RFX7: variants seen among roughly 807,000 people sequenced by gnomAD.
RFX7 encodes the protein regulatory factor X7, also known as DNA-binding protein RFX7.
Under a neutral mutation model 111.8 loss-of-function variants are expected in RFX7, and 26 were observed. The observed-to-expected ratio is 0.23, with a 90% CI of 0.17 to 0.32. The LOEUF (loss-of-function observed/expected upper bound fraction) is 0.32, where lower values mean the gene tolerates loss of function less well. Ranked by LOEUF, RFX7 falls within the 10% of genes least tolerant of loss-of-function variation. The pLI is 1.00. For synonymous variants in RFX7, 624 were observed against 624.4 expected (o/e 1.00, Z 0.01); for missense variants, 1,573 against 1,772.9 (o/e 0.89, Z 2.02).
intron 2 of RFX7, among the ~76,000 whole-genome samples, chr15:56,239,204 C>A (rs2043659121): frequency 6.6e-6 from 1 of 152,084 alleles, no homozygotes; most frequent in African/African-American, 2.4e-5. Context: ...GGATGTAACC[C>A]AAGTCTAAAC....
At chr15:56,174,893 T>C (rs1435436827) in intron 3 of RFX7, among the ~76,000 whole-genome samples, 2 of 152,178 alleles carry the variant, frequency 1.3e-5, no homozygotes, top group South Asian at 2.1e-4. Flanking sequence ...AATGAATCAC[T>C]GTTTTTTCCT....
At chr15:56,126,469 C>T (rs974622430) in intron 5 of RFX7, among the ~76,000 whole-genome samples, 20 of 152,152 alleles carry the variant, frequency 1.3e-4, no homozygotes, top group Admixed American at 5.9e-4. Context: ...GGTGGATTCC[C>T]TGAAGGACCC....
intron 2 of RFX7, among the ~76,000 whole-genome samples, chr15:56,224,498 G>A (rs1223243079): frequency 2.1e-5 from 2 of 97,108 alleles, no homozygotes; most frequent in Non-Finnish European, 4.2e-5. Flanking sequence ...TGTGTGTGCA[G>A]TTCTCTGTGT....
rs144450138 is a variant in RFX7, at chr15:56,180,434, G to C, written c.162-1131C>G. Among the ~76,000 whole-genome samples the C allele has an allele frequency of 3.0e-3, 463 of 152,202 alleles. 2 individuals are homozygous for C. Among genetic ancestry groups the C allele is most frequent in the African/African-American group, 0.011 (443 of 41,552 alleles). ...CCCACAGTCCTACAAAAGATTTTTA[G>C]GTTTTAAAATCTCTTTGTATAGCTT... On this transcript the variant is annotated intron_variant, in intron 2 of 9. Coordinates refer to ENST00000559447, the MANE Select transcript of RFX7 (RefSeq NM_022841.7).
rs184301483 is a variant in RFX7 at position 56,103,642 on chromosome 15, G to C, written c.430C>G (p.Pro144Ala). 3.1e-6 allele frequency: 5 copies of C among 1,598,954 alleles called. No individual in the cohort carries two copies. In the Admixed American group the frequency reaches 5.2e-5, roughly 17 times the overall value. Reference sequence around the variant, plus strand: ...TTTCCAAAATCAGCAGCACTTAATGGATGGTAACCAAGATTGTCACAATAG... The same window carrying C: ...TTTCCAAAATCAGCAGCACTTAATGCATGGTAACCAAGATTGTCACAATAG... ...KSYCDNLGYH[P>A]LSAADFGKIM... The change falls in exon 6 of 10, where the codon CCA becomes GCA. Residue 144 changes from proline (P) to alanine (A), a missense_variant. Pro to Ala is a conservative substitution (Grantham distance 27). Around this residue, in one of 7 missense-constraint regions of RFX7, gnomAD observed 191 missense variants for 194.2 expected, o/e 0.98. Transcript: ENST00000559447.
chr15:56,201,812 C>T (rs1006889691), intron 2 of RFX7, among the ~76,000 whole-genome samples: 1 of 152,110 alleles, frequency 6.6e-6, no homozygotes, highest in African/African-American at 2.4e-5. Flanking sequence ...GGGCAGATCA[C>T]GAGGTCAGGA....
At chr15:56,183,828 CATTTTTTTA>C (rs1320431761) in intron 2 of RFX7, among the ~76,000 whole-genome samples, 10 of 131,454 alleles carry the variant, frequency 7.6e-5, no homozygotes, top group African/African-American at 2.5e-4. Flanking sequence ...TGATAATTTG[CATTTTTTTA>C]ATCTGTCCTT....
At chr15:56,122,683 C>G (rs1358432441) in intron 5 of RFX7, among the ~76,000 whole-genome samples, 1 of 152,144 alleles carries the variant, frequency 6.6e-6, no homozygotes, top group African/African-American at 2.4e-5. Context: ...GATTTGGATC[C>G]AGAAACCTTA....
At chr15:56,230,508 C>G (rs759476111) in intron 2 of RFX7, among the ~76,000 whole-genome samples, 4 of 152,014 alleles carry the variant, frequency 2.6e-5, no homozygotes, top group Non-Finnish European at 4.4e-5. Flanking sequence ...ATTATGTTAT[C>G]AAATACAGAA....
At chr15:56,154,497 C>T (rs2042621721) in intron 3 of RFX7, among the ~76,000 whole-genome samples, 2 of 152,200 alleles carry the variant, frequency 1.3e-5, no homozygotes, top group Non-Finnish European at 2.9e-5. Flanking sequence ...ACTATCTGAT[C>T]TTTGACAAAC....
intron 5 of RFX7, among the ~76,000 whole-genome samples, chr15:56,112,894 T>C (rs1235144230): frequency 6.6e-6 from 1 of 152,062 alleles, no homozygotes; most frequent in African/African-American, 2.4e-5. Flanking sequence ...AACAAAAATA[T>C]GAAAAAAATC....
At chr15:56,128,091 T>G (rs925391818) in intron 5 of RFX7, among the ~76,000 whole-genome samples, 1 of 152,124 alleles carries the variant, frequency 6.6e-6, no homozygotes, top group Non-Finnish European at 1.5e-5. Context: ...AGGAAATAGA[T>G]AACCTGACCA....
chr15:56,208,076 G>C (rs1280511709), intron 2 of RFX7, among the ~76,000 whole-genome samples: 1 of 152,188 alleles, frequency 6.6e-6, no homozygotes, highest in Non-Finnish European at 1.5e-5. Context: ...CCAAGAGCTT[G>C]ACCAGGTTTT....
chr15:56,092,271 ATGTTTTTTGT>A lies in RFX7; in HGVS notation c.*1064_*1073del, dbSNP rs1405170097. On this transcript the variant is annotated 3_prime_UTR_variant, in exon 10 of 10. Transcript: ENST00000559447. ...GTGGCTTCAGACCTTAGGTGGTGAA[ATGTTTTTTGT>A]TGTTTTTTATGTTATCCTCCTTCCT... 1 of 152,502 alleles carries A rather than the reference ATGTTTTTTGT, an allele frequency of 6.6e-6. No homozygotes were observed. The highest frequency in any genetic ancestry group is 1.5e-5 in the Non-Finnish European group (1 of 67,968). 9.4% of individuals were successfully genotyped at this position (152,502 alleles called of 1,614,324 possible).
At chr15:56,150,035 G>A (rs1440532983) in intron 3 of RFX7, among the ~76,000 whole-genome samples, 5 of 151,380 alleles carry the variant, frequency 3.3e-5, no homozygotes, top group Admixed American at 3.3e-4. Context: ...GGGGGGTTGC[G>A]GGGTGGGGCG....
At chr15:56,137,981 A>C (rs1318108588) in intron 5 of RFX7, among the ~76,000 whole-genome samples, 2 of 151,630 alleles carry the variant, frequency 1.3e-5, no homozygotes, top group African/African-American at 2.4e-5. Context: ...TCTGAGAGAC[A>C]GTTTGTTATA....
rs1387593619 is a variant in RFX7, at chr15:56,178,205, ACACAC to A, written c.195+1060_195+1064del. On this transcript the variant is annotated intron_variant, in intron 3 of 9. Coordinates refer to ENST00000559447, the MANE Select transcript of RFX7 (RefSeq NM_022841.7). ...CACACACACACACACACACACACAC[ACACAC>A]AACAAAAAGAAGAGTAAATGAAAGG... Among the ~76,000 whole-genome samples, 58 of 144,564 alleles carry A rather than the reference ACACAC, an allele frequency of 4.0e-4. No homozygotes were observed. In the South Asian group the frequency reaches 0.013, roughly 33 times the overall value. 94.8% of individuals were successfully genotyped at this position (144,564 alleles called of 152,430 possible).
chr15:56,119,946 T>C (rs1179021796), intron 5 of RFX7, among the ~76,000 whole-genome samples: 3 of 152,144 alleles, frequency 2.0e-5, no homozygotes, highest in Non-Finnish European at 2.9e-5. Flanking sequence ...ATGTGATTAG[T>C]CCAGTTTTGT....
chr15:56,200,880 T>C (rs1402718509), intron 2 of RFX7, among the ~76,000 whole-genome samples: 1 of 152,008 alleles, frequency 6.6e-6, no homozygotes, highest in East Asian at 1.9e-4. Flanking sequence ...CTTCAATTTT[T>C]TGAATGTACT....
Sources: gnomAD v4.1 joint callset for allele counts (sites outside exome capture counted in the v4.1 genomes callset) on GRCh38, gnomAD v4.1.1 for gene constraint, gnomAD v4.1.1 regional missense constraint, MANE v1.5 for transcripts, NCBI Gene and HGNC (gene_info 2026-07-23, HGNC 2026-07-21) for gene names.